Variants in RARB observed in about 807,000 individuals in gnomAD.
The protein encoded by RARB is HBV-activated protein.
RARB carries 17 observed loss-of-function variants against 51.9 expected under a neutral mutation model. That is an observed-to-expected ratio of 0.33 (90% confidence interval 0.22 to 0.49). RARB has a LOEUF of 0.49. Among genes scored for constraint, RARB ranks in the 20% least tolerant of loss-of-function variants. The pLI, the probability that RARB is intolerant of heterozygous loss-of-function variation, is 0.99. For synonymous variants in RARB, 215 were observed against 195.4 expected, an observed-to-expected ratio of 1.10 and a Z score of -0.84; for missense variants, 369 against 550.8, an observed-to-expected ratio of 0.67 and a Z score of 3.30.
intron 2 of RARB, among the ~76,000 whole-genome samples, chr3:25,470,546 G>A (rs1490982856): frequency 6.6e-6 from 1 of 152,180 alleles, no homozygotes; most frequent in East Asian, 1.9e-4. Context: ...AAAAGTTGAA[G>A]ATGGGGCTGG....
chr3:25,222,962 C>G (rs1701978560), intron 5 of RARB, among the ~76,000 whole-genome samples: 1 of 152,122 alleles, frequency 6.6e-6, no homozygotes, highest in South Asian at 2.1e-4. Flanking sequence ...CGTTTAATAT[C>G]ACTTCTGTCT....
At chr3:25,384,778 G>A (rs1706744788) in intron 5 of RARB, among the ~76,000 whole-genome samples, 1 of 152,206 alleles carries the variant, frequency 6.6e-6, no homozygotes, top group Non-Finnish European at 1.5e-5. Flanking sequence ...AGTATTTTCA[G>A]ACAGTCCAAC....
At chr3:25,387,737 C>G (rs949568370) in intron 5 of RARB, among the ~76,000 whole-genome samples, 2 of 152,136 alleles carry the variant, frequency 1.3e-5, no homozygotes, top group African/African-American at 4.8e-5. Context: ...GGTCTCACTT[C>G]AGCAATGTCT....
At chr3:25,349,366 G>A (rs1013039344) in intron 5 of RARB, among the ~76,000 whole-genome samples, 112 of 152,308 alleles carry the variant, frequency 7.4e-4, no homozygotes, top group African/African-American at 2.5e-3. Flanking sequence ...TGCTGTATGA[G>A]GTTGATAGTG....
intron 4 of RARB, among the ~76,000 whole-genome samples, chr3:25,577,887 G>A (rs980967223): frequency 3.9e-5 from 6 of 152,234 alleles, no homozygotes; most frequent in Non-Finnish European, 7.3e-5. Context: ...GCCACCACGC[G>A]GCATCCTGGG....
At chr3:25,472,610 C>T (rs1424312193) in intron 2 of RARB, among the ~76,000 whole-genome samples, 3 of 152,166 alleles carry the variant, frequency 2.0e-5, no homozygotes, top group African/African-American at 4.8e-5. Flanking sequence ...GCAGATTCTA[C>T]CATCTGTGGT....
intron 2 of RARB, among the ~76,000 whole-genome samples, chr3:24,983,666 T>C (rs1057464610): frequency 6.6e-6 from 1 of 152,162 alleles, no homozygotes; most frequent in African/African-American, 2.4e-5. Flanking sequence ...TTTTGAATTA[T>C]GTTTGTAGAT....
chr3:25,425,299 T>C (rs185304616), upstream of RARB, among the ~76,000 whole-genome samples: 663 of 152,300 alleles, frequency 4.4e-3, 3 homozygotes, highest in Non-Finnish European at 7.3e-3. Flanking sequence ...TATGGCTTAT[T>C]TATGTATCTT....
chr3:25,267,539 G>A (rs773596571), intron 5 of RARB, among the ~76,000 whole-genome samples: 1 of 152,094 alleles, frequency 6.6e-6, no homozygotes, highest in East Asian at 1.9e-4. Context: ...ATCACCTCTT[G>A]TTCAGTGTCC....
At chr3:25,007,604 A>AAAAAAAAAAAAAAAAAAAAC (rs1697302487) in intron 2 of RARB, among the ~76,000 whole-genome samples, 1 of 133,606 alleles carries the variant, frequency 7.5e-6, no homozygotes, top group African/African-American at 2.8e-5. Flanking sequence ...AAAAAAAAAA[A>AAAAAAAAAAAAAAAAAAAAC]CAAAAAAACC....
At chr3:25,397,116 T>C (rs529004412) in intron 5 of RARB, among the ~76,000 whole-genome samples, 47 of 152,262 alleles carry the variant, frequency 3.1e-4, no homozygotes, top group Middle Eastern at 3.4e-3. Context: ...GAAATTTTCT[T>C]CTCCATGTGT....
At chr3:25,328,552 G>A (rs1704793812) in intron 5 of RARB, among the ~76,000 whole-genome samples, 1 of 152,100 alleles carries the variant, frequency 6.6e-6, no homozygotes, top group Non-Finnish European at 1.5e-5. Context: ...AGTGAAATAA[G>A]GGGGAGGTTC....
At chr3:25,314,751 T>C (rs1306482467) in intron 5 of RARB, among the ~76,000 whole-genome samples, 1 of 152,206 alleles carries the variant, frequency 6.6e-6, no homozygotes, top group Non-Finnish European at 1.5e-5. Flanking sequence ...GTTACATGGG[T>C]ATATTGTGTG....
intron 5 of RARB, among the ~76,000 whole-genome samples, chr3:25,217,210 T>A (rs1449833666): frequency 6.6e-6 from 1 of 152,178 alleles, no homozygotes; most frequent in African/African-American, 2.4e-5. Flanking sequence ...TTGGTACAGT[T>A]TGTAGCAGAA....
intron 2 of RARB, among the ~76,000 whole-genome samples, chr3:24,927,194 C>A (rs1362547188): frequency 6.6e-6 from 1 of 152,012 alleles, no homozygotes; most frequent in Non-Finnish European, 1.5e-5. Context: ...CAGTAAAACT[C>A]GTAGATTTGC....
chr3:25,541,556 A>G (rs945139048), intron 3 of RARB, among the ~76,000 whole-genome samples: 1 of 152,204 alleles, frequency 6.6e-6, no homozygotes, highest in Non-Finnish European at 1.5e-5. Flanking sequence ...ATCTTGCAGA[A>G]AAGACCAGTT....
At chr3:25,382,140 A>G (rs181859023) in intron 5 of RARB, among the ~76,000 whole-genome samples, 6 of 152,316 alleles carry the variant, frequency 3.9e-5, no homozygotes, top group African/African-American at 1.2e-4. Context: ...GGAGTCCAAA[A>G]GCATATAATA....
At chr3:25,501,717 G>A (rs779784475) in intron 3 of RARB, among the ~76,000 whole-genome samples, 1 of 152,202 alleles carries the variant, frequency 6.6e-6, no homozygotes, top group Non-Finnish European at 1.5e-5. Flanking sequence ...AATGTTAACA[G>A]TAGTCATAAT....
At chr3:25,344,174 C>A (rs1705318432) in intron 5 of RARB, among the ~76,000 whole-genome samples, 1 of 152,204 alleles carries the variant, frequency 6.6e-6, no homozygotes, top group African/African-American at 2.4e-5. Context: ...TTTCTTCTTT[C>A]ATGCAATCTT....
Sources: allele counts gnomAD v4.1 joint callset (sites outside exome capture counted in the v4.1 genomes callset), GRCh38; gene constraint gnomAD v4.1.1; transcripts MANE v1.5; gene names NCBI Gene and HGNC (gene_info 2026-07-23, HGNC 2026-07-21).